MAN1C1: variants seen among roughly 807,000 people sequenced by gnomAD.
The protein encoded by MAN1C1 is mannosyl-oligosaccharide 1,2-alpha-mannosidase IC.
A neutral mutation model predicts 71.5 loss-of-function variants in MAN1C1; 49 were observed. The ratio of observed to expected loss-of-function variants is 0.69; its 90% confidence interval spans 0.54 to 0.87. The LOEUF (loss-of-function observed/expected upper bound fraction) is 0.87, where lower values mean the gene tolerates loss of function less well. MAN1C1 is among the 40% of genes least tolerant of loss of function. The pLI is 0.00. For synonymous variants in MAN1C1, 352 were observed against 343.7 expected, an observed-to-expected ratio of 1.02 and a Z score of -0.27; for missense variants, 743 against 835.0, an observed-to-expected ratio of 0.89 and a Z score of 1.36.
At chr1:25,759,771 A>G (rs1440413935) in intron 6 of MAN1C1, 3 of 152,056 alleles carry the variant, frequency 2.0e-5, no homozygotes, top group East Asian at 1.9e-4. Context: ...TACTTACTCA[A>G]TGTAGGAGTC....
intron 1 of MAN1C1, among the ~76,000 whole-genome samples, chr1:25,636,396 C>G (rs376245354): frequency 1.3e-5 from 2 of 152,186 alleles, no homozygotes; most frequent in Non-Finnish European, 2.9e-5. Context: ...GACCTCCCCC[C>G]AGGAATACAT....
At chr1:25,698,196 G>A (rs1236018251) in intron 2 of MAN1C1, among the ~76,000 whole-genome samples, 2 of 152,170 alleles carry the variant, frequency 1.3e-5, no homozygotes, top group African/African-American at 4.8e-5. Context: ...TGCAGCTCTG[G>A]TGTGACAGGC....
chr1:25,722,163 G>C lies in MAN1C1; in HGVS notation c.638-24505G>C, dbSNP rs982623696. ...AAACCTGATGCCATTTTGATATCTC[G>C]TCATTTGTATGTGAACTGTCTTTTC... is the stretch of plus-strand genomic sequence containing the variant. On this transcript the variant is annotated intron_variant, in intron 2 of 11. Coordinates refer to ENST00000374332, the MANE Select transcript of MAN1C1 (RefSeq NM_020379.4). Among the ~76,000 whole-genome samples the C allele has an allele frequency of 4.6e-5, 7 of 152,222 alleles. No homozygotes were observed. The South Asian group carries it at 1.5e-3, about 32-fold the overall frequency.
chr1:25,723,400 G>A (rs2046792456), intron 2 of MAN1C1, among the ~76,000 whole-genome samples: 1 of 152,226 alleles, frequency 6.6e-6, no homozygotes, highest in Non-Finnish European at 1.5e-5. Context: ...ACCAATCCCA[G>A]AGCCTTTGGG....
chr1:25,679,950 A>AAATATATAT (rs1285307256), intron 1 of MAN1C1, among the ~76,000 whole-genome samples: 1 of 117,236 alleles, frequency 8.5e-6, no homozygotes, highest in African/African-American at 3.8e-5. Context: ...AAAAAAAAAA[A>AAATATATAT]ATATATATAT....
chr1:25,771,814 GC>G, intron 8 of MAN1C1, 42 bp downstream of exon 8: 2 of 1,518,974 alleles, frequency 1.3e-6, no homozygotes, highest in Non-Finnish European at 1.8e-6. Flanking sequence ...CTGGTCACCA[GC>G]CCCCGGCTCT....
Position 25,618,076 on chromosome 1 carries a change from G to T in MAN1C1, c.279G>T (p.Glu93Asp). 1 of 1,536,450 alleles carries T rather than the reference G, an allele frequency of 6.5e-7. No homozygotes were observed. Among genetic ancestry groups the T allele is most frequent in the East Asian group, 2.5e-5 (1 of 39,994 alleles). Residue 93 changes from glutamate to aspartate, a missense_variant, in exon 1 of 12, where the codon GAG becomes GAT. Transcript: ENST00000374332. ...NPAPAAPAPG[E>D]DDPSSWASPR... ...CCCCCGCCGCGCCGGCCCCGGGCGA[G>T]GATGACCCCAGCAGCTGGGCCAGTC...
At chr1:25,632,664 C>T (rs2045399826) in intron 1 of MAN1C1, among the ~76,000 whole-genome samples, 2 of 152,036 alleles carry the variant, frequency 1.3e-5, no homozygotes, top group African/African-American at 4.8e-5. Context: ...AGCACAGTAT[C>T]CCAGAGTTTT....
chr1:25,644,333 A>G (rs970145265), intron 1 of MAN1C1, among the ~76,000 whole-genome samples: 1 of 151,672 alleles, frequency 6.6e-6, no homozygotes, highest in Admixed American at 6.6e-5. Flanking sequence ...CCTGGGACAC[A>G]AGGTGACATA....
Position 25,704,644 on chromosome 1 carries a change from G to A in MAN1C1, c.637+18108G>A, listed in dbSNP as rs141626814. 1.2e-3 allele frequency among the ~76,000 whole-genome samples: 184 copies of A among 152,354 alleles called. 1 individual carries two copies. Among genetic ancestry groups the A allele is most frequent in the Non-Finnish European group, 2.2e-3 (150 of 68,038 alleles). ...CTGACAAAGTTATGACACCAAGAAT[G>A]CTTAGACTTTGCAGTTTTCCCCGAA... is the stretch of plus-strand genomic sequence containing the variant. On this transcript the variant is annotated intron_variant, in intron 2 of 11. Coordinates refer to ENST00000374332, the MANE Select transcript of MAN1C1 (RefSeq NM_020379.4).
At chr1:25,751,678 C>T (rs927690300) in intron 4 of MAN1C1, among the ~76,000 whole-genome samples, 2 of 152,234 alleles carry the variant, frequency 1.3e-5, no homozygotes, top group Non-Finnish European at 2.9e-5. Context: ...ATGCTGCATA[C>T]CTCGTGTACT....
chr1:25,667,826 G>A (rs1304397923), intron 1 of MAN1C1, among the ~76,000 whole-genome samples: 1 of 152,116 alleles, frequency 6.6e-6, no homozygotes, highest in Non-Finnish European at 1.5e-5. Flanking sequence ...ACCCAGAAGT[G>A]CCACCACACA....
chr1:25,746,979 A>G lies in MAN1C1; in HGVS notation c.753+196A>G, dbSNP rs2047138376. 6.6e-6 allele frequency among the ~76,000 whole-genome samples: 1 copy of G among 152,196 alleles called. No homozygotes were observed. Among genetic ancestry groups the G allele is most frequent in the Non-Finnish European group, 1.5e-5 (1 of 68,026 alleles). ...CTTAAGACAGCCTTGAGGTGGGGAC[A>G]TCCTCCCCAGTCTAGCATCTTCCCT... On this transcript the variant is annotated intron_variant, in intron 3 of 11. Transcript: ENST00000374332. The surrounding 1 kb of genome is among the most constrained non-coding windows in gnomAD (Gnocchi z 4.0).
chr1:25,718,322 C>T (rs1443966685), intron 2 of MAN1C1, among the ~76,000 whole-genome samples: 5 of 152,178 alleles, frequency 3.3e-5, no homozygotes, highest in African/African-American at 4.8e-5. Context: ...CTCTTGAAGA[C>T]GTCTCTCCTG....
intron 6 of MAN1C1, among the ~76,000 whole-genome samples, chr1:25,762,593 A>G (rs2047376233): frequency 6.6e-6 from 1 of 151,768 alleles, no homozygotes; most frequent in African/African-American, 2.4e-5. Flanking sequence ...CGCCTGGCCA[A>G]TTTTTGTATT....
intron 2 of MAN1C1, 57 bp downstream of exon 2, chr1:25,686,593 C>T (rs752968753): frequency 1.1e-5 from 17 of 1,488,584 alleles, no homozygotes; most frequent in Admixed American, 1.0e-4. Context: ...CGCCAGTGGC[C>T]GAGTGGAATT....
intron 2 of MAN1C1, among the ~76,000 whole-genome samples, chr1:25,728,809 T>C (rs971448327): frequency 2.0e-4 from 31 of 152,014 alleles, no homozygotes; most frequent in African/African-American, 6.0e-4. Context: ...AACGGCTCTG[T>C]CTAAGGAAGG....
In MAN1C1 at chr1:25,735,024, G is replaced by A. The variant is rs2046962060; in HGVS notation, c.638-11644G>A. 6.6e-6 allele frequency among the ~76,000 whole-genome samples: 1 copy of A among 152,224 alleles called. No homozygotes were observed. On this transcript the variant is annotated intron_variant, in intron 2 of 11. Coordinates refer to ENST00000374332, the MANE Select transcript of MAN1C1 (RefSeq NM_020379.4). The surrounding 1 kb of genome is among the most constrained non-coding windows in gnomAD (Gnocchi z 4.6). ...GTGTTAGAAGAGGGCATGCCAGGTA[G>A]AGAAAACAGCTTGAAGAAAGGGCTG...
chr1:25,778,393 G>T lies in MAN1C1; in HGVS notation c.1477+69G>T, dbSNP rs1039250794. 2 of 1,479,848 alleles carry T rather than the reference G, an allele frequency of 1.4e-6. No individual in the cohort carries two copies. The highest frequency in any genetic ancestry group is 1.8e-6 in the Non-Finnish European group (2 of 1,094,746). The allele number at this position is 1,479,848 out of a possible 1,614,324, so 91.7% of individuals were successfully genotyped here. ...GACACCAGGAAGAACTGGAAAGACC[G>T]GCAGCAGTGAGCGAAGGGAGCACAT... On this transcript the variant is annotated intron_variant, in intron 9 of 11. Transcript: ENST00000374332. The surrounding 1 kb of genome is among the most constrained non-coding windows in gnomAD (Gnocchi z 5.5).
Sources: allele counts gnomAD v4.1 joint callset (sites outside exome capture counted in the v4.1 genomes callset), GRCh38; gene constraint gnomAD v4.1.1; non-coding constraint Gnocchi (gnomAD v3.1); transcripts MANE v1.5; gene names NCBI Gene and HGNC (gene_info 2026-07-23, HGNC 2026-07-21).